The following NRDC variants were observed in gnomAD, a reference collection of about 807,000 sequenced individuals.
NRDC encodes nardilysin.
A neutral mutation model predicts 147.1 loss-of-function variants in NRDC; 54 were observed. The observed-to-expected ratio is 0.37, with a 90% CI of 0.29 to 0.46. The LOEUF is 0.46. Ranked by LOEUF, NRDC falls within the 20% of genes least tolerant of loss-of-function variation. The pLI, the probability that NRDC is intolerant of heterozygous loss-of-function variation, is 1.00. For synonymous variants in NRDC, 440 were observed against 482.1 expected (o/e 0.91, Z 1.14); for missense variants, 1,082 against 1,370.6 (o/e 0.79, Z 3.33).
intron 22 of NRDC, 145 bp from the exon 23 acceptor site, chr1:51,794,999 G>T (rs1395175295): frequency 7.3e-6 from 11 of 1,511,940 alleles, no homozygotes; most frequent in Non-Finnish European, 9.7e-6. Context: ...ATGCTGGCAA[G>T]TTATTCATTG....
intron 1 of NRDC, among the ~76,000 whole-genome samples, chr1:51,843,755 T>C (rs1270232206): frequency 6.6e-6 from 1 of 151,872 alleles, no homozygotes; most frequent in African/African-American, 2.4e-5. Context: ...TCCAAGAATA[T>C]GAACAATCTG....
chr1:51,853,067 C>T (rs931443518), intron 1 of NRDC, among the ~76,000 whole-genome samples: 7 of 151,630 alleles, frequency 4.6e-5, no homozygotes, highest in African/African-American at 1.7e-4. Flanking sequence ...ACTAAAAATA[C>T]AAAAAAATTA....
intron 13 of NRDC, chr1:51,814,294 A>G (rs779168184): frequency 1.7e-6 from 1 of 575,812 alleles, no homozygotes; most frequent in Non-Finnish European, 3.1e-6. Context: ...TGAACCTAGA[A>G]TAAAAGTTTA....
chr1:51,814,463 G>A, intron 13 of NRDC, 88 bp downstream of exon 13: 1 of 1,299,116 alleles, frequency 7.7e-7, no homozygotes, highest in Non-Finnish European at 1.1e-6. Context: ...AAACCATCAA[G>A]GCAAGACTAA....
chr1:51,798,172 C>A, intron 22 of NRDC, 77 bp downstream of exon 22: 2 of 1,447,534 alleles, frequency 1.4e-6, no homozygotes, highest in South Asian at 2.4e-5. Context: ...TACAGCTTCC[C>A]CTTTAGGAAA....
Position 51,806,838 on chromosome 1 carries a change from C to T in NRDC, c.2066G>A (p.Gly689Asp). 1 of 1,614,008 alleles carries T rather than the reference C, an allele frequency of 6.2e-7. No homozygotes were observed. Among genetic ancestry groups the T allele is most frequent in the Non-Finnish European group, 8.5e-7 (1 of 1,179,916 alleles). ...YPVKIVNTPQ[G>D]CLWYKKDNKF... ...GTTGTCTTTCTTATACCACAGGCAA[C>T]CTTGTGGAGTATTCACAATTTTAAC... Residue 689 changes from glycine (G) to aspartate (D), a missense_variant, in exon 18 of 31, where the codon GGT (glycine) becomes GAT (aspartate). By Grantham distance (94) the Gly-to-Asp change is moderately conservative. Transcript: ENST00000352171.
chr1:51,803,709 C>A, intron 20 of NRDC, 105 bp downstream of exon 20: 1 of 853,114 alleles, frequency 1.2e-6, no homozygotes. Flanking sequence ...AGATAATCCA[C>A]ATTAATAAAC....
At chr1:51,858,531 A>C (rs552595630) in intron 1 of NRDC, among the ~76,000 whole-genome samples, 2 of 152,266 alleles carry the variant, frequency 1.3e-5, no homozygotes, top group African/African-American at 2.4e-5. Context: ...AAGAATAATT[A>C]AATCTGCTAA....
At chr1:51,817,200 A>G (rs1680007719) in intron 10 of NRDC, among the ~76,000 whole-genome samples, 1 of 152,194 alleles carries the variant, frequency 6.6e-6, no homozygotes, top group African/African-American at 2.4e-5. Flanking sequence ...CAATCCTTAA[A>G]GCCCATACAA....
In NRDC at chr1:51,858,472, A is replaced by T. The variant is rs1032070250; in HGVS notation, c.342-17958T>A. Among the ~76,000 whole-genome samples the T allele has an allele frequency of 1.9e-3, 226 of 121,802 alleles. 1 individual carries two copies. The highest frequency in any genetic ancestry group is 6.0e-3 in the African/African-American group (185 of 30,706). 79.9% of individuals were successfully genotyped at this position (121,802 alleles called of 152,430 possible). On this transcript the variant is annotated intron_variant, in intron 1 of 30. Transcript: ENST00000352171. Reference sequence around the variant, plus strand: ...TTACACAGAGGGAAACCCTGTCTTTAAAAAAAAAAAAAAAAAAGGCAAATA... The same window carrying T: ...TTACACAGAGGGAAACCCTGTCTTTTAAAAAAAAAAAAAAAAAGGCAAATA...
intron 1 of NRDC, among the ~76,000 whole-genome samples, chr1:51,856,496 G>A (rs1379066818): frequency 6.6e-6 from 1 of 152,164 alleles, no homozygotes; most frequent in African/African-American, 2.4e-5. Flanking sequence ...TTAATTTGCT[G>A]GAGGGCTCAC....
intron 1 of NRDC, among the ~76,000 whole-genome samples, chr1:51,847,176 A>G (rs1466815915): frequency 6.6e-6 from 1 of 152,224 alleles, no homozygotes; most frequent in Non-Finnish European, 1.5e-5. Flanking sequence ...ACAAACCCTG[A>G]GCTAGACACA....
chr1:51,837,523 G>T (rs1480569108), intron 2 of NRDC: 2 of 1,590,264 alleles, frequency 1.3e-6, no homozygotes, highest in Admixed American at 3.4e-5. Flanking sequence ...AAGATTTCTT[G>T]TCTCGACCAG....
chr1:51,832,478 C>T (rs998025831), intron 4 of NRDC, among the ~76,000 whole-genome samples: 14 of 152,130 alleles, frequency 9.2e-5, no homozygotes, highest in African/African-American at 3.1e-4. Flanking sequence ...TGAGTATCTA[C>T]CAAATTATTG....
At chr1:51,839,165 T>TTC (rs1681138134) in intron 2 of NRDC, among the ~76,000 whole-genome samples, 2 of 149,490 alleles carry the variant, frequency 1.3e-5, no homozygotes, top group South Asian at 4.3e-4. Context: ...TTTTTCTTTT[T>TTC]TTTTTTTTTT....
chr1:51,864,937 G>A (rs534265891), intron 1 of NRDC, among the ~76,000 whole-genome samples: 4 of 148,292 alleles, frequency 2.7e-5, no homozygotes, highest in African/African-American at 5.0e-5. Context: ...GTGATGGAGT[G>A]AGACCTGGTC....
intron 1 of NRDC, among the ~76,000 whole-genome samples, chr1:51,842,159 G>A (rs866377881): frequency 1.3e-4 from 19 of 151,756 alleles, no homozygotes; most frequent in Middle Eastern, 3.4e-3. Flanking sequence ...GGTGAAAAAT[G>A]AGACCCTGTC....
At chr1:51,877,923 A>T in intron 1 of NRDC, 1 of 779,216 alleles carries the variant, frequency 1.3e-6, no homozygotes. Flanking sequence ...CCTGTCCTCC[A>T]AATTAAAGTA....
At chr1:51,807,433 A>G (rs1293262546) in intron 17 of NRDC, among the ~76,000 whole-genome samples, 1 of 152,194 alleles carries the variant, frequency 6.6e-6, no homozygotes, top group African/African-American at 2.4e-5. Context: ...TTTGGTAGGC[A>G]TGGTGGCTCA....
Sources: gnomAD v4.1 joint callset for allele counts (sites outside exome capture counted in the v4.1 genomes callset) on GRCh38, gnomAD v4.1.1 for gene constraint, MANE v1.5 for transcripts, NCBI Gene and HGNC (gene_info 2026-07-23, HGNC 2026-07-21) for gene names.